The following LGR5 variants were observed in gnomAD, a reference collection of about 807,000 sequenced individuals.
The protein encoded by LGR5 is leucine-rich repeat-containing G protein-coupled receptor 5.
LGR5 carries 54 observed loss-of-function variants against 76.7 expected under a neutral mutation model. The observed-to-expected ratio is 0.70, with a 90% CI of 0.57 to 0.88. LGR5 has a LOEUF of 0.88. LGR5 is among the 40% of genes least tolerant of loss of function. The pLI, the probability that LGR5 is intolerant of heterozygous loss-of-function variation, is 0.00. For missense variants in LGR5, 1,078 were observed against 1,073.3 expected (o/e 1.00, Z -0.06); for synonymous variants, 406 against 421.9 (o/e 0.96, Z 0.46).
rs531171610 is a variant in LGR5 at position 71,583,643 on chromosome 12, C to G, written c.1637-4C>G. Reference sequence around the variant, plus strand: ...CTCAATCTTTGCCTTCCTTGGACTTCTAGGCCCCTTCAAACCCTGTGAACA... The same window carrying G: ...CTCAATCTTTGCCTTCCTTGGACTTGTAGGCCCCTTCAAACCCTGTGAACA... On this transcript the variant is annotated splice_polypyrimidine_tract_variant and splice_region_variant and intron_variant, in intron 17 of 17. Transcript: ENST00000266674. 7.5e-6 allele frequency: 12 copies of G among 1,605,886 alleles called. No individual in the cohort carries two copies. Among genetic ancestry groups the G allele is most frequent in the Non-Finnish European group, 1.0e-5 (12 of 1,174,484 alleles).
chr12:71,467,633 CA>C (rs1286779549), intron 1 of LGR5, among the ~76,000 whole-genome samples: 2 of 152,094 alleles, frequency 1.3e-5, no homozygotes, highest in Non-Finnish European at 2.9e-5. Context: ...TTAGTAATAT[CA>C]AAAAATATCT....
At chr12:71,507,533 T>C (rs1432246390) in intron 2 of LGR5, among the ~76,000 whole-genome samples, 3 of 152,322 alleles carry the variant, frequency 2.0e-5, no homozygotes, top group Middle Eastern at 3.4e-3. Flanking sequence ...GACTATGATA[T>C]ACTATCTATG....
At position 71,554,286 on chromosome 12, in the gene LGR5, T is replaced by C. The variant is rs371468571; in HGVS notation, c.644+998T>C. ...TAAGGGATTGAAGTTGTCCTCTTGC[T>C]CTGAGTCAGTCCTGGATGAGGGCCT... On this transcript the variant is annotated intron_variant, in intron 5 of 17. Transcript: ENST00000266674. 3.3e-5 allele frequency among the ~76,000 whole-genome samples: 5 copies of C among 152,266 alleles called. No individual in the cohort carries two copies. The East Asian group carries it at 9.7e-4, about 29-fold the overall frequency.
chr12:71,527,671 TCTCCCAAAGGCTCTACCCAACAC>T (rs1416197662), intron 3 of LGR5, among the ~76,000 whole-genome samples: 1 of 152,202 alleles, frequency 6.6e-6, no homozygotes. Flanking sequence ...AATTAAAACA[TCTCCCAAAGGCTCTACCCAACAC>T]CTCCCAAAGG....
At chr12:71,581,322 A>C (rs1010827454) in intron 16 of LGR5, among the ~76,000 whole-genome samples, 14 of 152,234 alleles carry the variant, frequency 9.2e-5, no homozygotes, top group Admixed American at 7.9e-4. Flanking sequence ...TTGAATTAAG[A>C]CGTTACCTAA....
intron 1 of LGR5, among the ~76,000 whole-genome samples, chr12:71,493,274 G>T (rs1407518138): frequency 6.6e-6 from 1 of 151,040 alleles, no homozygotes; most frequent in East Asian, 1.9e-4. Flanking sequence ...CTTTCCTCAG[G>T]CTTATCCCAT....
In LGR5 at chr12:71,584,875, A is replaced by G; in HGVS notation, c.*141A>G. Reference sequence around the variant, plus strand: ...AAAGAATCTCTCAGTTAGTAAGAAAAGGCTGAAAACCTCTTGATACTTGAG... The same window carrying G: ...AAAGAATCTCTCAGTTAGTAAGAAAGGGCTGAAAACCTCTTGATACTTGAG... On this transcript the variant is annotated 3_prime_UTR_variant, in exon 18 of 18. Coordinates refer to ENST00000266674, the MANE Select transcript of LGR5 (RefSeq NM_003667.4). 1 of 814,668 alleles carries G rather than the reference A, an allele frequency of 1.2e-6. No homozygotes were observed. 50.5% of individuals were successfully genotyped at this position (814,668 alleles called of 1,614,324 possible).
intron 16 of LGR5, 79 bp downstream of exon 16, chr12:71,580,502 A>G: frequency 6.9e-7 from 1 of 1,455,628 alleles, no homozygotes; most frequent in Non-Finnish European, 9.5e-7. Context: ...TTTGATGAAA[A>G]GTCATCGAAC....
chr12:71,561,775 T>C lies in LGR5; in HGVS notation c.786-6T>C. 6.3e-7 allele frequency: 1 copy of C among 1,582,788 alleles called. No homozygotes were observed. The highest frequency in any genetic ancestry group is 8.6e-7 in the Non-Finnish European group (1 of 1,158,160). On this transcript the variant is annotated splice_polypyrimidine_tract_variant and splice_region_variant and intron_variant, in intron 7 of 17. Coordinates refer to ENST00000266674, the MANE Select transcript of LGR5 (RefSeq NM_003667.4). ...GGATTTTTTATAATTTTTTTTCTCT[T>C]TCTAGAGGATTTCATAGCAACAATA...
chr12:71,439,587 G>T (rs992574667), upstream of LGR5, among the ~76,000 whole-genome samples: 1 of 151,842 alleles, frequency 6.6e-6, no homozygotes, highest in Admixed American at 6.6e-5. Flanking sequence ...CCAGGCGGAG[G>T]CTCAGTGGGA....
intron 8 of LGR5, among the ~76,000 whole-genome samples, chr12:71,563,131 A>C (rs1292515): frequency 0.88 from 134,023 of 152,100 alleles, 61,019 homozygotes; most frequent in East Asian, 1. Context: ...CGCCAACCCC[A>C]ACTCTATATA....
chr12:71,583,581 G>T, intron 17 of LGR5, 66 bp from the exon 18 acceptor site: 1 of 1,521,798 alleles, frequency 6.6e-7, no homozygotes, highest in East Asian at 2.3e-5. Flanking sequence ...AGAGACAAAA[G>T]GGTAATTCAG....
At chr12:71,486,964 G>C (rs957451822) in intron 1 of LGR5, among the ~76,000 whole-genome samples, 1 of 152,136 alleles carries the variant, frequency 6.6e-6, no homozygotes, top group Non-Finnish European at 1.5e-5. Context: ...GATTTCACTA[G>C]CATTTAAAGA....
At chr12:71,481,993 A>G (rs1251853752) in intron 1 of LGR5, among the ~76,000 whole-genome samples, 1 of 152,064 alleles carries the variant, frequency 6.6e-6, no homozygotes, top group African/African-American at 2.4e-5. Flanking sequence ...TTTTCTTTTC[A>G]TTGTCCAATT....
At chr12:71,537,644 G>A (rs1397833101) in intron 4 of LGR5, among the ~76,000 whole-genome samples, 2 of 152,124 alleles carry the variant, frequency 1.3e-5, no homozygotes, top group African/African-American at 4.8e-5. Flanking sequence ...TATTGTCCTG[G>A]TTTTAAAGTA....
At chr12:71,566,935 T>C in intron 11 of LGR5, 23 bp downstream of exon 11, 1 of 1,579,122 alleles carries the variant, frequency 6.3e-7, no homozygotes. Flanking sequence ...AAGGCAATAA[T>C]GTTGTGTAAA....
rs914634470 is a variant in LGR5 at position 71,585,547 on chromosome 12, C to G, written c.*813C>G. On this transcript the variant is annotated 3_prime_UTR_variant, in exon 18 of 18. Coordinates refer to ENST00000266674, the MANE Select transcript of LGR5 (RefSeq NM_003667.4). ...ATTCCACTGCCAGCAATGAACATAC[C>G]TGGAAAAGAAAGTAAGCAATCTGGG... 6.6e-6 allele frequency: 1 copy of G among 152,168 alleles called. No homozygotes were observed. Among genetic ancestry groups the G allele is most frequent in the Admixed American group, 6.5e-5 (1 of 15,276 alleles). The allele number at this position is 152,168 out of a possible 1,614,324, so 9.4% of individuals were successfully genotyped here.
chr12:71,512,619 C>A (rs1170484296), intron 2 of LGR5, among the ~76,000 whole-genome samples: 2 of 152,236 alleles, frequency 1.3e-5, no homozygotes, highest in African/African-American at 2.4e-5. Flanking sequence ...CAGACAAAGG[C>A]AGTCAGGGAC....
In LGR5 at chr12:71,440,385, G is replaced by C; in HGVS notation, c.212+93G>C. ...GCTGGAGGCTCCTCGGCGCCCGCCTGCTCGTGGGGGAGGGGGGCGAGTTTG... is the reference window on the plus strand; with the variant it reads ...GCTGGAGGCTCCTCGGCGCCCGCCTCCTCGTGGGGGAGGGGGGCGAGTTTG... On this transcript the variant is annotated intron_variant, in intron 1 of 17. Transcript: ENST00000266674. The surrounding 1 kb of genome is among the most constrained non-coding windows in gnomAD (Gnocchi z 5.3). 8.1e-7 allele frequency: 1 copy of C among 1,238,742 alleles called. No homozygotes were observed. The highest frequency in any genetic ancestry group is 1.2e-6 in the Non-Finnish European group (1 of 868,304). The allele number at this position is 1,238,742 out of a possible 1,614,324, so 76.7% of individuals were successfully genotyped here. A position where few individuals can be genotyped will look rare whatever the true frequency, so the allele number is the denominator to read the frequency against.
Sources: allele counts gnomAD v4.1 joint callset (sites outside exome capture counted in the v4.1 genomes callset), GRCh38; gene constraint gnomAD v4.1.1; non-coding constraint Gnocchi (gnomAD v3.1); transcripts MANE v1.5; gene names NCBI Gene and HGNC (gene_info 2026-07-23, HGNC 2026-07-21).